Variants in DIP2C observed in about 807,000 individuals in gnomAD.
The protein encoded by DIP2C is disco-interacting protein 2 homolog C.
A neutral mutation model predicts 192.4 loss-of-function variants in DIP2C; 33 were observed. That is an observed-to-expected ratio of 0.17 (90% CI 0.13 to 0.23). The LOEUF (loss-of-function observed/expected upper bound fraction) is 0.23, where lower values mean the gene tolerates loss of function less well. Among genes scored for constraint, DIP2C ranks in the 10% least tolerant of loss-of-function variants. The probability of loss-of-function intolerance (pLI) is 1.00; values close to 1 mark genes in which losing one functional copy is unlikely to be tolerated. For synonymous variants in DIP2C, 979 were observed against 864.1 expected (o/e 1.13, Z -2.33); for missense variants, 1,537 against 2,110.1 (o/e 0.73, Z 5.32).
chr10:379,296 C>T (rs765594869), intron 17 of DIP2C, among the ~76,000 whole-genome samples: 12 of 151,172 alleles, frequency 7.9e-5, no homozygotes, highest in Admixed American at 2.0e-4. Flanking sequence ...CTGCTGCTCC[C>T]GGAAGTGCCC....
chr10:370,038 C>T (rs959381283), intron 17 of DIP2C: 1 of 985,332 alleles, frequency 1.0e-6, no homozygotes, highest in African/African-American at 1.7e-5. Context: ...GAGGGTGGTG[C>T]ATCCACTCCA....
chr10:358,603 T>G (rs12777979), intron 22 of DIP2C, among the ~76,000 whole-genome samples: 3 of 13,918 alleles, frequency 2.2e-4, no homozygotes, highest in South Asian at 6.5e-3. Context: ...GAAGGGGGGG[T>G]GGGAGGTGGG....
At chr10:593,595 T>G (rs1170402136) in intron 1 of DIP2C, among the ~76,000 whole-genome samples, 1 of 149,322 alleles carries the variant, frequency 6.7e-6, no homozygotes, top group Non-Finnish European at 1.5e-5. Flanking sequence ...TCCTCGGTAC[T>G]TCCCCCCAAA....
At chr10:450,040 T>A (rs1192555553) in intron 3 of DIP2C, among the ~76,000 whole-genome samples, 2 of 151,994 alleles carry the variant, frequency 1.3e-5, no homozygotes, top group Non-Finnish European at 2.9e-5. Context: ...TCTCACCATC[T>A]CGAATGGGGA....
At chr10:592,980 T>C (rs1851489757) in intron 1 of DIP2C, among the ~76,000 whole-genome samples, 1 of 152,184 alleles carries the variant, frequency 6.6e-6, no homozygotes, top group Admixed American at 6.5e-5. Flanking sequence ...GGTAACAGTT[T>C]GGTTCTCTTG....
intron 22 of DIP2C, among the ~76,000 whole-genome samples, chr10:361,787 C>T (rs925853118): frequency 6.6e-6 from 1 of 152,172 alleles, no homozygotes; most frequent in East Asian, 1.9e-4. Context: ...GCAGCGTTTT[C>T]CACCCTTTCA....
intron 36 of DIP2C, 112 bp downstream of exon 36, chr10:281,088 A>ACCC: frequency 6.9e-7 from 1 of 1,444,240 alleles, no homozygotes; most frequent in East Asian, 2.3e-5. Context: ...GTTGAATCGC[A>ACCC]CCCCCTTCCC....
chr10:282,282 G>A (rs1038963568), intron 35 of DIP2C, among the ~76,000 whole-genome samples: 1 of 152,192 alleles, frequency 6.6e-6, no homozygotes, highest in Non-Finnish European at 1.5e-5. Flanking sequence ...GGCTTTCCTG[G>A]CCTTTCTCTA....
intron 2 of DIP2C, among the ~76,000 whole-genome samples, chr10:479,258 A>G (rs1050256386): frequency 2.0e-5 from 3 of 149,060 alleles, no homozygotes; most frequent in Admixed American, 6.6e-5. Flanking sequence ...CTGGGATGGG[A>G]ACATCATACA....
In DIP2C at chr10:466,071, G is replaced by A. The variant is rs1163318401; in HGVS notation, c.268+6368C>T. On this transcript the variant is annotated intron_variant, in intron 3 of 36. Transcript: ENST00000280886. The stretch of plus-strand genomic sequence containing the variant: ...TTCATATGGAACCAAAAAAGAGCCC[G>A]CATCACCAAGTCAATCCTAAGCCAA... Among the ~76,000 whole-genome samples the A allele has an allele frequency of 2.1e-3, 310 of 148,198 alleles. 1 individual carries two copies. Among genetic ancestry groups the A allele is most frequent in the Middle Eastern group, 0.01 (3 of 288 alleles).
intron 1 of DIP2C, among the ~76,000 whole-genome samples, chr10:538,213 A>G (rs954248562): frequency 3.3e-5 from 5 of 152,226 alleles, no homozygotes; most frequent in African/African-American, 1.2e-4. Flanking sequence ...GCTGGCATGC[A>G]GTGGCACAAT....
At chr10:591,603 T>C (rs1177361443) in intron 1 of DIP2C, among the ~76,000 whole-genome samples, 3 of 152,148 alleles carry the variant, frequency 2.0e-5, no homozygotes, top group African/African-American at 7.2e-5. Flanking sequence ...ACCCAGTCGA[T>C]TTGAGCCTTG....
intron 1 of DIP2C, chr10:667,812 CACA>C (rs1190972645): frequency 6.6e-6 from 1 of 152,172 alleles, no homozygotes; most frequent in African/African-American, 2.4e-5. Flanking sequence ...ATACACAACT[CACA>C]ACATGCACAT....
chr10:571,440 T>C (rs1461024882), intron 1 of DIP2C, among the ~76,000 whole-genome samples: 1 of 151,490 alleles, frequency 6.6e-6, no homozygotes, highest in Non-Finnish European at 1.5e-5. Flanking sequence ...TCCTGCCCAC[T>C]GCCCTCTCTC....
intron 1 of DIP2C, among the ~76,000 whole-genome samples, chr10:565,517 G>T (rs1015113377): frequency 6.6e-5 from 10 of 152,118 alleles, no homozygotes; most frequent in Non-Finnish European, 1.0e-4. Context: ...GGCATATGAT[G>T]AACAATCAGT....
At chr10:398,219 A>G (rs989378747) in intron 10 of DIP2C, among the ~76,000 whole-genome samples, 1 of 152,104 alleles carries the variant, frequency 6.6e-6, no homozygotes, top group Admixed American at 6.5e-5. Context: ...TTTAAGTCTG[A>G]TAAGAACCAT....
chr10:476,609 C>T (rs1843051452), intron 2 of DIP2C, among the ~76,000 whole-genome samples: 1 of 152,186 alleles, frequency 6.6e-6, no homozygotes, highest in Admixed American at 6.5e-5. Flanking sequence ...GGTGTCTGAA[C>T]ATTCTCCCGT....
intron 1 of DIP2C, among the ~76,000 whole-genome samples, chr10:673,303 T>G (rs766231827): frequency 2.0e-5 from 3 of 152,236 alleles, no homozygotes; most frequent in Non-Finnish European, 4.4e-5. Flanking sequence ...TCCTAACCAT[T>G]TGAAACCCAG....
At chr10:624,188 G>A (rs532378094) in intron 1 of DIP2C, among the ~76,000 whole-genome samples, 4 of 152,314 alleles carry the variant, frequency 2.6e-5, no homozygotes, top group African/African-American at 9.6e-5. Flanking sequence ...CTGTTATCTC[G>A]GTCCCAGGGT....
Sources: gnomAD v4.1 joint callset for allele counts (sites outside exome capture counted in the v4.1 genomes callset) on GRCh38, gnomAD v4.1.1 for gene constraint, MANE v1.5 for transcripts, NCBI Gene and HGNC (gene_info 2026-07-23, HGNC 2026-07-21) for gene names.